The following CSMD1 variants were observed in gnomAD, a reference collection of about 807,000 sequenced individuals.
CSMD1 encodes the protein CUB and Sushi multiple domains 1, also known as CUB and sushi domain-containing protein 1.
A neutral mutation model predicts 417.5 loss-of-function variants in CSMD1; 213 were observed. That is an observed-to-expected ratio of 0.51 (90% confidence interval 0.46 to 0.57). CSMD1 has a LOEUF of 0.57. CSMD1 is among the 20% of genes least tolerant of loss of function. The probability of loss-of-function intolerance (pLI) is 0.00; values close to 1 mark genes in which losing one functional copy is unlikely to be tolerated. For synonymous variants in CSMD1, 2,862 were observed against 1,736.8 expected (o/e 1.65, Z -16.11); for missense variants, 6,923 against 4,529.7 (o/e 1.53, Z -15.17).
intron 10 of CSMD1, among the ~76,000 whole-genome samples, chr8:3,559,003 G>A (rs1054455263): frequency 1.4e-4 from 22 of 152,218 alleles, no homozygotes; most frequent in African/African-American, 4.3e-4. Flanking sequence ...TGGGACTGCC[G>A]TGGTGGTCTG....
intron 1 of CSMD1, among the ~76,000 whole-genome samples, chr8:4,707,454 G>C (rs1397190148): frequency 6.6e-6 from 1 of 152,166 alleles, no homozygotes; most frequent in Non-Finnish European, 1.5e-5. Context: ...TGGAAGGTCA[G>C]ATTAACAGAA....
intron 3 of CSMD1, among the ~76,000 whole-genome samples, chr8:4,284,636 C>T (rs1190657946): frequency 6.6e-6 from 1 of 152,026 alleles, no homozygotes; most frequent in African/African-American, 2.4e-5. Context: ...AACTGTTCTC[C>T]AAGGGTGGAC....
chr8:4,198,871 C>T (rs1330300242), intron 3 of CSMD1, among the ~76,000 whole-genome samples: 2 of 152,036 alleles, frequency 1.3e-5, no homozygotes, highest in African/African-American at 4.8e-5. Flanking sequence ...ACGTATTTCC[C>T]CTTCCTTTTA....
chr8:4,064,717 C>T (rs1199935299), intron 3 of CSMD1, among the ~76,000 whole-genome samples: 3 of 152,300 alleles, frequency 2.0e-5, no homozygotes, highest in African/African-American at 4.8e-5. Flanking sequence ...CCCCCAGTAT[C>T]CGTACTCAAC....
intron 11 of CSMD1, among the ~76,000 whole-genome samples, chr8:3,474,338 C>T (rs913814043): frequency 6.6e-6 from 1 of 151,964 alleles, no homozygotes; most frequent in Non-Finnish European, 1.5e-5. Flanking sequence ...GCTCAGGGAG[C>T]TGTCACATGT....
intron 49 of CSMD1, among the ~76,000 whole-genome samples, chr8:3,064,149 T>A (rs1438043823): frequency 6.6e-6 from 1 of 152,224 alleles, no homozygotes; most frequent in Admixed American, 6.5e-5. Context: ...CTGAATACGT[T>A]TTCAACAAAA....
chr8:3,407,670 G>C (rs536940800), intron 14 of CSMD1, among the ~76,000 whole-genome samples: 13 of 152,234 alleles, frequency 8.5e-5, no homozygotes, highest in African/African-American at 2.9e-4. Context: ...AGAGAGAGGA[G>C]ATCCAGCTTC....
intron 57 of CSMD1, among the ~76,000 whole-genome samples, chr8:2,972,894 T>G (rs1804582639): frequency 6.6e-6 from 1 of 152,156 alleles, no homozygotes; most frequent in South Asian, 2.1e-4. Flanking sequence ...TTACGAACTT[T>G]CAAACAATAA....
At chr8:4,764,052 G>A (rs1264344202) in intron 1 of CSMD1, among the ~76,000 whole-genome samples, 3 of 152,104 alleles carry the variant, frequency 2.0e-5, no homozygotes, top group African/African-American at 7.2e-5. Flanking sequence ...GAATTACGCT[G>A]GCAACAGACA....
intron 1 of CSMD1, among the ~76,000 whole-genome samples, chr8:4,943,699 A>C (rs1361263725): frequency 6.6e-6 from 1 of 152,172 alleles, no homozygotes; most frequent in African/African-American, 2.4e-5. Flanking sequence ...TCTGTTCCAC[A>C]TGTCATTCCT....
At chr8:2,957,289 A>C (rs1357032186) in intron 63 of CSMD1, among the ~76,000 whole-genome samples, 3 of 152,204 alleles carry the variant, frequency 2.0e-5, no homozygotes, top group Non-Finnish European at 4.4e-5. Context: ...ATTTGATGTA[A>C]ATATCCTAGG....
intron 3 of CSMD1, among the ~76,000 whole-genome samples, chr8:4,063,848 C>G (rs971281125): frequency 2.2e-4 from 34 of 152,248 alleles, no homozygotes; most frequent in African/African-American, 8.2e-4. Context: ...CAGGAGTAGA[C>G]TATGACTTTG....
chr8:3,965,587 G>A (rs536845511), intron 5 of CSMD1, among the ~76,000 whole-genome samples: 2 of 151,956 alleles, frequency 1.3e-5, no homozygotes, highest in East Asian at 1.9e-4. Context: ...TAGTGTTAAT[G>A]GTTATGATTT....
intron 3 of CSMD1, among the ~76,000 whole-genome samples, chr8:4,236,691 G>T (rs369818063): frequency 6.6e-6 from 1 of 152,090 alleles, no homozygotes; most frequent in African/African-American, 2.4e-5. Context: ...TCAAGCTTTG[G>T]TCCCTTCATC....
chr8:3,271,968 C>T (rs1563210053), intron 26 of CSMD1, among the ~76,000 whole-genome samples: 1 of 152,016 alleles, frequency 6.6e-6, no homozygotes, highest in South Asian at 2.1e-4. Flanking sequence ...GCTTTTGTTG[C>T]CTTTGCTTTT....
intron 1 of CSMD1, among the ~76,000 whole-genome samples, chr8:4,822,616 G>A (rs1422039439): frequency 6.6e-6 from 1 of 151,868 alleles, no homozygotes; most frequent in Non-Finnish European, 1.5e-5. Context: ...TACATTTTTA[G>A]CAATTCATAG....
chr8:4,645,327 C>G (rs758182092), intron 1 of CSMD1, among the ~76,000 whole-genome samples: 5 of 149,812 alleles, frequency 3.3e-5, no homozygotes, highest in Non-Finnish European at 7.4e-5. Context: ...TTAGTTAACT[C>G]CAGCAATGTA....
chr8:3,842,247 T>G (rs568895878), intron 5 of CSMD1, among the ~76,000 whole-genome samples: 64 of 152,256 alleles, frequency 4.2e-4, no homozygotes, highest in Non-Finnish European at 7.9e-4. Flanking sequence ...ATTTCTCTGT[T>G]AAACATTCAA....
chr8:3,962,947 T>C (rs191263887), intron 5 of CSMD1, among the ~76,000 whole-genome samples: 123 of 152,322 alleles, frequency 8.1e-4, no homozygotes, highest in African/African-American at 2.9e-3. Context: ...TTGTTTCGTT[T>C]TGTTTTTTAG....
Sources: gnomAD v4.1 joint callset for allele counts (sites outside exome capture counted in the v4.1 genomes callset) on GRCh38, gnomAD v4.1.1 for gene constraint, MANE v1.5 for transcripts, NCBI Gene and HGNC (gene_info 2026-07-23, HGNC 2026-07-21) for gene names.